CCDC15: variants seen among roughly 807,000 people sequenced by gnomAD.
The protein encoded by CCDC15 is coiled-coil domain-containing protein 15.
Under a neutral mutation model 114.5 loss-of-function variants are expected in CCDC15, and 105 were observed. The ratio of observed to expected loss-of-function variants is 0.92; its 90% confidence interval spans 0.78 to 1.08. The LOEUF is 1.08. Among genes scored for constraint, CCDC15 ranks in the 50% least tolerant of loss-of-function variants. CCDC15 has a pLI of 0.00. For synonymous variants in CCDC15, 334 were observed against 377.8 expected (o/e 0.88, Z 1.34); for missense variants, 1,105 against 1,093.6 (o/e 1.01, Z -0.15).
chr11:125,000,094 CT>C (rs1948451879), intron 11 of CCDC15, among the ~76,000 whole-genome samples: 1 of 151,828 alleles, frequency 6.6e-6, no homozygotes, highest in Non-Finnish European at 1.5e-5. Context: ...AACTCCTGAC[CT>C]CAAGTAATCC....
At chr11:125,024,177 G>A (rs1948680209) in intron 13 of CCDC15, among the ~76,000 whole-genome samples, 1 of 151,826 alleles carries the variant, frequency 6.6e-6, no homozygotes, top group Non-Finnish European at 1.5e-5. Flanking sequence ...TTCTTCCGTG[G>A]ATATATTTGT....
At chr11:125,033,172 T>C (rs1055445734) in intron 13 of CCDC15, among the ~76,000 whole-genome samples, 1 of 152,214 alleles carries the variant, frequency 6.6e-6, no homozygotes, top group Non-Finnish European at 1.5e-5. Context: ...ATATTTAAAA[T>C]TAGTCTTTTG....
chr11:124,977,832 A>T (rs1385653075), intron 6 of CCDC15, among the ~76,000 whole-genome samples: 1 of 152,096 alleles, frequency 6.6e-6, no homozygotes, highest in Non-Finnish European at 1.5e-5. Context: ...AATTTAGAGC[A>T]TTTTATTTTT....
chr11:125,021,822 G>A (rs985792361), intron 13 of CCDC15, among the ~76,000 whole-genome samples: 14 of 151,826 alleles, frequency 9.2e-5, no homozygotes, highest in African/African-American at 3.4e-4. Flanking sequence ...CTGGTCTAGA[G>A]AATAATTCGT....
chr11:125,033,821 C>G (rs575364880), intron 13 of CCDC15, among the ~76,000 whole-genome samples: 1 of 152,200 alleles, frequency 6.6e-6, no homozygotes, highest in African/African-American at 2.4e-5. Context: ...AGGCCCAAAT[C>G]GACAAATTCA....
intron 11 of CCDC15, among the ~76,000 whole-genome samples, chr11:124,995,329 C>A (rs552454152): frequency 6.6e-6 from 1 of 152,178 alleles, no homozygotes; most frequent in Admixed American, 6.5e-5. Flanking sequence ...TGTTTGTTGC[C>A]TTTTCAGTAC....
intron 6 of CCDC15, 51 bp from the exon 7 acceptor site, chr11:124,986,691 T>TGTGTA: frequency 8.2e-7 from 1 of 1,221,884 alleles, no homozygotes. Context: ...GTGTGTGTGT[T>TGTGTA]TGTGTGTGTG....
At chr11:124,958,983 A>AT (rs889741758) in intron 2 of CCDC15, 132 bp from the exon 3 acceptor site, 1,310 of 543,192 alleles carry the variant, frequency 2.4e-3, no homozygotes, top group Non-Finnish European at 2.8e-3. Flanking sequence ...CATACATTCC[A>AT]TTTTTTTTTG....
chr11:125,027,555 T>G (rs182717477), intron 13 of CCDC15, among the ~76,000 whole-genome samples: 38 of 152,268 alleles, frequency 2.5e-4, no homozygotes, highest in African/African-American at 9.1e-4. Context: ...AATTTCAAAT[T>G]CATGCCCTTT....
intron 4 of CCDC15, among the ~76,000 whole-genome samples, chr11:124,965,516 T>C (rs185513910): frequency 1.7e-4 from 26 of 152,330 alleles, no homozygotes; most frequent in African/African-American, 5.8e-4. Context: ...ATTGTGTCTA[T>C]TTGATTCTTC....
intron 8 of CCDC15, among the ~76,000 whole-genome samples, chr11:124,990,142 T>C (rs1948243944): frequency 6.6e-6 from 1 of 152,176 alleles, no homozygotes; most frequent in Non-Finnish European, 1.5e-5. Flanking sequence ...GAGACCATTG[T>C]AGGGTTATTA....
chr11:124,976,355 A>C (rs971307515), intron 5 of CCDC15, among the ~76,000 whole-genome samples: 2 of 152,014 alleles, frequency 1.3e-5, no homozygotes, highest in Non-Finnish European at 2.9e-5. Flanking sequence ...TTTAATTACA[A>C]CTAAGAAATT....
At chr11:125,021,821 A>G (rs1408442919) in intron 13 of CCDC15, among the ~76,000 whole-genome samples, 1 of 151,934 alleles carries the variant, frequency 6.6e-6, no homozygotes, top group Non-Finnish European at 1.5e-5. Flanking sequence ...ACTGGTCTAG[A>G]GAATAATTCG....
chr11:125,039,907 C>T (rs4259837), intron 15 of CCDC15, among the ~76,000 whole-genome samples: 30,864 of 152,072 alleles, frequency 0.2, 3,728 homozygotes, highest in African/African-American at 0.34. Context: ...GTGTTCTTTC[C>T]TTTACTCTTG....
chr11:124,974,504 T>C (rs941366859), intron 4 of CCDC15, among the ~76,000 whole-genome samples: 2 of 152,212 alleles, frequency 1.3e-5, no homozygotes, highest in African/African-American at 4.8e-5. Context: ...ATTGGTTCTT[T>C]TGAAATGTTT....
At chr11:125,035,933 CTA>C (rs1257012731) in intron 13 of CCDC15, among the ~76,000 whole-genome samples, 6 of 151,974 alleles carry the variant, frequency 3.9e-5, no homozygotes, top group Admixed American at 3.3e-4. Flanking sequence ...TTTTATTGTA[CTA>C]TGTCTTGAAA....
At chr11:125,036,126 T>G (rs1046991007) in intron 13 of CCDC15, among the ~76,000 whole-genome samples, 1 of 136,092 alleles carries the variant, frequency 7.3e-6, no homozygotes, top group East Asian at 2.0e-4. Context: ...TCTTTCAGAT[T>G]AAAGAACTCC....
chr11:125,004,246 T>C (rs1010574217), intron 12 of CCDC15, among the ~76,000 whole-genome samples: 6 of 152,000 alleles, frequency 3.9e-5, no homozygotes, highest in African/African-American at 1.4e-4. Context: ...AATTACTTTA[T>C]GGCTTTCTTT....
chr11:124,986,545 C>T (rs1252126251), intron 6 of CCDC15, among the ~76,000 whole-genome samples, 197 bp from the exon 7 acceptor site: 2 of 152,004 alleles, frequency 1.3e-5, no homozygotes, highest in Non-Finnish European at 2.9e-5. Flanking sequence ...TTATACAGTC[C>T]TGCACTGTAA....
Sources: allele counts gnomAD v4.1 joint callset (sites outside exome capture counted in the v4.1 genomes callset), GRCh38; gene constraint gnomAD v4.1.1; transcripts MANE v1.5; gene names NCBI Gene and HGNC (gene_info 2026-07-23, HGNC 2026-07-21).